The following HOOK3 variants were observed in gnomAD, a reference collection of about 807,000 sequenced individuals.
The protein encoded by HOOK3 is protein Hook homolog 3.
A neutral mutation model predicts 116.3 loss-of-function variants in HOOK3; 24 were observed. That is an observed-to-expected ratio of 0.21 (90% CI 0.15 to 0.29). The LOEUF (loss-of-function observed/expected upper bound fraction) is 0.29, where lower values mean the gene tolerates loss of function less well. HOOK3 is among the 10% of genes least tolerant of loss of function. HOOK3 has a pLI of 1.00. For synonymous variants in HOOK3, 275 were observed against 283.0 expected, an observed-to-expected ratio of 0.97 and a Z score of 0.28; for missense variants, 632 against 830.2, an observed-to-expected ratio of 0.76 and a Z score of 2.93.
chr8:43,020,879 T>C lies in HOOK3; in HGVS notation c.*2381T>C. The C allele has an allele frequency of 5.5e-6, 1 of 181,600 alleles. No individual in the cohort carries two copies. The highest frequency in any genetic ancestry group is 1.2e-5 in the Non-Finnish European group (1 of 85,300). 11.2% of individuals were successfully genotyped at this position (181,600 alleles called of 1,614,324 possible). On this transcript the variant is annotated 3_prime_UTR_variant, in exon 22 of 22. Transcript: ENST00000307602. Reference sequence around the variant, plus strand: ...ACTTTGGGAGGCCGAGACAGGCACATCATCTGAGGTCAGGACTTCCAGACC... The same window carrying C: ...ACTTTGGGAGGCCGAGACAGGCACACCATCTGAGGTCAGGACTTCCAGACC...
chr8:42,962,797 T>TTCTTC (rs71855372), intron 8 of HOOK3, among the ~76,000 whole-genome samples: 3 of 85,216 alleles, frequency 3.5e-5, no homozygotes, highest in East Asian at 6.6e-4. Context: ...CTTCTTCTTC[T>TTCTTC]TTTTTTTTTT....
chr8:43,020,062 T>A lies in HOOK3; in HGVS notation c.*1564T>A, dbSNP rs575013323. 5.1e-6 allele frequency: 1 copy of A among 197,584 alleles called. No homozygotes were observed. The highest frequency in any genetic ancestry group is 1.0e-5 in the Non-Finnish European group (1 of 95,446). The allele number at this position is 197,584 out of a possible 1,614,324, so 12.2% of individuals were successfully genotyped here. A position where few individuals can be genotyped will look rare whatever the true frequency, so the allele number is the denominator to read the frequency against. ...ATTCAAGTGTTTGATTTTTAAATTC[T>A]TTCTTTCTTTTTAATAAGAAAGATG... is the stretch of plus-strand genomic sequence containing the variant. On this transcript the variant is annotated 3_prime_UTR_variant, in exon 22 of 22. Coordinates refer to ENST00000307602, the MANE Select transcript of HOOK3 (RefSeq NM_032410.4).
intron 4 of HOOK3, among the ~76,000 whole-genome samples, chr8:42,938,365 G>A (rs1244641283): frequency 6.6e-6 from 1 of 152,108 alleles, no homozygotes; most frequent in Admixed American, 6.5e-5. Flanking sequence ...GCTAGTCTGT[G>A]CCTTTAAATT....
At chr8:42,973,513 CTATT>C in intron 12 of HOOK3, 114 bp downstream of exon 12, 1 of 684,166 alleles carries the variant, frequency 1.5e-6, no homozygotes. Flanking sequence ...ATTAGAAATC[CTATT>C]TATTTTTAAG....
chr8:42,916,255 T>C (rs1167987489), intron 2 of HOOK3, among the ~76,000 whole-genome samples: 3 of 152,248 alleles, frequency 2.0e-5, no homozygotes, highest in African/African-American at 7.2e-5. Flanking sequence ...TAAATGAATG[T>C]GGAATTATAC....
chr8:43,008,878 C>T (rs1179689749), intron 18 of HOOK3, among the ~76,000 whole-genome samples: 3 of 149,918 alleles, frequency 2.0e-5, no homozygotes, highest in East Asian at 2.0e-4. Context: ...CCGGGATGGT[C>T]TCGATCTCCT....
At chr8:42,903,740 G>A (rs959848314) in intron 1 of HOOK3, among the ~76,000 whole-genome samples, 4 of 298 alleles carry the variant, frequency 0.013, no homozygotes, top group African/African-American at 0.054. Context: ...GGCGGATGAC[G>A]AGGTCAGAGA....
At chr8:42,961,932 G>A (rs1024382200) in intron 8 of HOOK3, among the ~76,000 whole-genome samples, 18 of 152,098 alleles carry the variant, frequency 1.2e-4, no homozygotes, top group Non-Finnish European at 1.9e-4. Flanking sequence ...GACTGCAAGC[G>A]CATGCCACCA....
intron 15 of HOOK3, among the ~76,000 whole-genome samples, chr8:42,996,710 T>A (rs1183819107): frequency 6.6e-6 from 1 of 152,142 alleles, no homozygotes; most frequent in African/African-American, 2.4e-5. Context: ...CTCATAGATG[T>A]TTTATTTATT....
chr8:43,010,524 A>T, intron 19 of HOOK3, 119 bp downstream of exon 19: 1 of 295,674 alleles, frequency 3.4e-6, no homozygotes, highest in South Asian at 5.5e-5. Context: ...CAGGAGAAGA[A>T]CAAATCTTAT....
chr8:42,928,483 G>GCATGTTTAAAACAATTTAT (rs1321717256), intron 3 of HOOK3, among the ~76,000 whole-genome samples: 1 of 151,974 alleles, frequency 6.6e-6, no homozygotes, highest in Non-Finnish European at 1.5e-5. Flanking sequence ...TAATGTTACA[G>GCATGTTTAAAACAATTTAT]CATGTTTAAA....
chr8:42,972,029 A>G (rs1236650948), intron 11 of HOOK3, among the ~76,000 whole-genome samples: 1 of 152,150 alleles, frequency 6.6e-6, no homozygotes. Context: ...TTTTTTAAGT[A>G]TGTATATTTT....
chr8:42,931,690 C>T (rs1054786645), intron 4 of HOOK3, among the ~76,000 whole-genome samples: 2 of 151,914 alleles, frequency 1.3e-5, no homozygotes, highest in African/African-American at 2.4e-5. Flanking sequence ...CCTCGGCCTC[C>T]CAGAGTGCTG....
chr8:42,925,777 G>C, intron 3 of HOOK3, 148 bp downstream of exon 3: 2 of 585,690 alleles, frequency 3.4e-6, no homozygotes, highest in South Asian at 4.4e-5. Flanking sequence ...GAACTCACCT[G>C]GAGTTGTACA....
chr8:43,029,445 G>A lies in HOOK3; in HGVS notation c.*10947G>A, dbSNP rs1390029466. 1.7e-5 allele frequency: 3 copies of A among 176,566 alleles called. No individual in the cohort carries two copies. The highest frequency in any genetic ancestry group is 3.7e-5 in the Non-Finnish European group (3 of 82,028). The allele number at this position is 176,566 out of a possible 1,614,324, so 10.9% of individuals were successfully genotyped here. ...TTACAGGCATGAGCCACTGCGCCCG[G>A]CCCAAATCTTTTATTTTTTAACAGC... On this transcript the variant is annotated 3_prime_UTR_variant, in exon 22 of 22. Transcript: ENST00000307602.
chr8:42,931,072 TA>T (rs1313994560), intron 4 of HOOK3, among the ~76,000 whole-genome samples: 1 of 152,226 alleles, frequency 6.6e-6, no homozygotes, highest in Non-Finnish European at 1.5e-5. Context: ...AACGACTTCC[TA>T]ACTACTTTTC....
intron 6 of HOOK3, among the ~76,000 whole-genome samples, chr8:42,955,696 C>G (rs1356359563): frequency 6.6e-6 from 1 of 151,492 alleles, no homozygotes; most frequent in Non-Finnish European, 1.5e-5. Context: ...GACTGAAAGA[C>G]AAGAAGAAAG....
At chr8:43,012,278 T>C (rs978556367) in intron 19 of HOOK3, among the ~76,000 whole-genome samples, 1 of 152,248 alleles carries the variant, frequency 6.6e-6, no homozygotes, top group Non-Finnish European at 1.5e-5. Flanking sequence ...CTAGGCGATA[T>C]GGTATGGAGT....
chr8:42,947,452 A>G (rs1808251114), intron 5 of HOOK3, among the ~76,000 whole-genome samples: 1 of 152,210 alleles, frequency 6.6e-6, no homozygotes, highest in South Asian at 2.1e-4. Context: ...TGTTACCTAT[A>G]TGCATATTCC....
Sources: gnomAD v4.1 joint callset for allele counts (sites outside exome capture counted in the v4.1 genomes callset) on GRCh38, gnomAD v4.1.1 for gene constraint, MANE v1.5 for transcripts, NCBI Gene and HGNC (gene_info 2026-07-23, HGNC 2026-07-21) for gene names.